Variants in MGAT4C observed in about 807,000 individuals in gnomAD.
MGAT4C encodes the protein MGAT4 family member C, also known as alpha-1,3-mannosyl-glycoprotein 4-beta-N-acetylglucosaminyltransferase C.
Under a neutral mutation model 40.1 loss-of-function variants are expected in MGAT4C, and 19 were observed. The ratio of observed to expected loss-of-function variants is 0.47; its 90% CI spans 0.33 to 0.70. The LOEUF is 0.70. Ranked by LOEUF, MGAT4C falls within the 30% of genes least tolerant of loss-of-function variation. The pLI is 0.02. For synonymous variants in MGAT4C, 181 were observed against 187.1 expected, an observed-to-expected ratio of 0.97 and a Z score of 0.27; for missense variants, 491 against 563.2, an observed-to-expected ratio of 0.87 and a Z score of 1.30.
chr12:86,401,886 A>G (rs531603158), intron 3 of MGAT4C, among the ~76,000 whole-genome samples: 1 of 152,284 alleles, frequency 6.6e-6, no homozygotes, highest in East Asian at 1.9e-4. Context: ...ACACTTGGAA[A>G]AGTGACATGG....
chr12:86,392,830 T>A (rs1956182202), intron 3 of MGAT4C, among the ~76,000 whole-genome samples: 1 of 152,224 alleles, frequency 6.6e-6, no homozygotes, highest in Non-Finnish European at 1.5e-5. Context: ...CCTATGATAA[T>A]GGTTGGAAGA....
At chr12:86,219,996 T>G (rs748704027) in intron 1 of MGAT4C, among the ~76,000 whole-genome samples, 1 of 152,086 alleles carries the variant, frequency 6.6e-6, no homozygotes, top group Non-Finnish European at 1.5e-5. Flanking sequence ...AACCCAGAGA[T>G]TGGGTTTTTG....
intron 2 of MGAT4C, among the ~76,000 whole-genome samples, chr12:86,511,307 A>C (rs993065159): frequency 6.6e-6 from 1 of 152,172 alleles, no homozygotes; most frequent in Non-Finnish European, 1.5e-5. Flanking sequence ...ACAAAGACAC[A>C]ACATACCAGA....
chr12:86,291,026 T>C (rs1450850070), intron 4 of MGAT4C, among the ~76,000 whole-genome samples: 1 of 152,188 alleles, frequency 6.6e-6, no homozygotes, highest in Non-Finnish European at 1.5e-5. Context: ...CTGAACAGTG[T>C]ATCATATTTG....
intron 1 of MGAT4C, among the ~76,000 whole-genome samples, chr12:86,836,743 C>A (rs1953045499): frequency 6.6e-6 from 1 of 152,010 alleles, no homozygotes; most frequent in Non-Finnish European, 1.5e-5. Flanking sequence ...ATCTAACATT[C>A]AAAAGGCAAA....
chr12:86,114,995 T>C (rs918981046), intron 1 of MGAT4C, among the ~76,000 whole-genome samples: 1 of 152,002 alleles, frequency 6.6e-6, no homozygotes, highest in African/African-American at 2.4e-5. Flanking sequence ...TCTGTTTTAC[T>C]GTTTAGTGAC....
chr12:85,980,899 G>T (rs541258915), intron 4 of MGAT4C, among the ~76,000 whole-genome samples: 1 of 152,044 alleles, frequency 6.6e-6, no homozygotes, highest in Admixed American at 6.6e-5. Flanking sequence ...TGATACAAAA[G>T]AAAAATAAGG....
intron 2 of MGAT4C, among the ~76,000 whole-genome samples, chr12:86,468,792 T>C (rs1163533416): frequency 1.3e-5 from 2 of 152,126 alleles, no homozygotes; most frequent in Non-Finnish European, 2.9e-5. Flanking sequence ...TGTGCTTTTC[T>C]TCTAGATTCC....
chr12:86,258,954 GTATT>G (rs971585106), upstream of MGAT4C, among the ~76,000 whole-genome samples: 1 of 151,710 alleles, frequency 6.6e-6, no homozygotes, highest in Non-Finnish European at 1.5e-5. Context: ...TTCAAATTTT[GTATT>G]TATTTATTAG....
At chr12:86,496,260 G>C (rs571301195) in intron 2 of MGAT4C, among the ~76,000 whole-genome samples, 14 of 151,962 alleles carry the variant, frequency 9.2e-5, no homozygotes, top group African/African-American at 3.1e-4. Flanking sequence ...AGCAATAAAA[G>C]AATTTTGATT....
chr12:86,804,855 C>T (rs1217109484), intron 1 of MGAT4C, among the ~76,000 whole-genome samples: 1 of 148,724 alleles, frequency 6.7e-6, no homozygotes, highest in Non-Finnish European at 1.5e-5. Context: ...TTTAGAAAAC[C>T]TATACTTGAC....
In MGAT4C at chr12:85,980,435, A is replaced by C; in HGVS notation, c.296-5T>G. 1 of 1,565,296 alleles carries C rather than the reference A, an allele frequency of 6.4e-7. No homozygotes were observed. The highest frequency in any genetic ancestry group is 2.2e-5 in the East Asian group (1 of 44,484). On this transcript the variant is annotated splice_polypyrimidine_tract_variant and splice_region_variant and intron_variant, in intron 4 of 4. Coordinates refer to ENST00000611864, the MANE Select transcript of MGAT4C (RefSeq NM_001351288.2). ...AAAGTCCAATTGTAAGATACCCTGC[A>C]AAAAAGAATTCAGAAGCAATACAAA... is the stretch of plus-strand genomic sequence containing the variant.
At chr12:86,445,034 G>A (rs1957308947) in intron 2 of MGAT4C, among the ~76,000 whole-genome samples, 1 of 152,128 alleles carries the variant, frequency 6.6e-6, no homozygotes, top group Admixed American at 6.5e-5. Flanking sequence ...AGGTGGGGGT[G>A]GAAGAATTGG....
chr12:86,369,817 A>G (rs1416441583), intron 3 of MGAT4C, among the ~76,000 whole-genome samples: 1 of 152,002 alleles, frequency 6.6e-6, no homozygotes, highest in African/African-American at 2.4e-5. Context: ...CCTCTTTTAA[A>G]TCTTCAATAG....
In MGAT4C at chr12:85,976,345, A is replaced by T. The variant is rs1380114251; in HGVS notation, c.*2944T>A. ...GTTCTTGCATTAACATATTTTATGT[A>T]TCTTTTATATTGACATTTGTGATTG... On this transcript the variant is annotated 3_prime_UTR_variant, in exon 5 of 5. Transcript: ENST00000611864. 1.3e-5 allele frequency: 2 copies of T among 151,060 alleles called. No homozygotes were observed. Among genetic ancestry groups the T allele is most frequent in the Non-Finnish European group, 3.0e-5 (2 of 67,238 alleles). The allele number at this position is 151,060 out of a possible 1,614,324, so 9.4% of individuals were successfully genotyped here.
intron 2 of MGAT4C, among the ~76,000 whole-genome samples, chr12:86,642,067 A>G (rs1963406666): frequency 6.6e-6 from 1 of 151,872 alleles, no homozygotes; most frequent in Non-Finnish European, 1.5e-5. Context: ...AATAGGAATG[A>G]CAAATAGAAA....
intron 2 of MGAT4C, among the ~76,000 whole-genome samples, chr12:86,617,562 C>A (rs1232712543): frequency 6.6e-6 from 1 of 152,142 alleles, no homozygotes; most frequent in African/African-American, 2.4e-5. Context: ...GTGGCAGATG[C>A]CTGTAGTCCC....
intron 3 of MGAT4C, among the ~76,000 whole-genome samples, chr12:86,390,016 G>A (rs970948566): frequency 4.6e-5 from 7 of 152,146 alleles, no homozygotes; most frequent in Admixed American, 1.3e-4. Flanking sequence ...CTTTCTTAGA[G>A]AGCATGCACT....
At chr12:86,781,929 T>C (rs1425036150) in intron 1 of MGAT4C, among the ~76,000 whole-genome samples, 3 of 66,708 alleles carry the variant, frequency 4.5e-5, no homozygotes, top group African/African-American at 9.4e-5. Flanking sequence ...TTTTTTCTAT[T>C]TTACCTAACT....
Sources: allele counts gnomAD v4.1 joint callset (sites outside exome capture counted in the v4.1 genomes callset), GRCh38; gene constraint gnomAD v4.1.1; transcripts MANE v1.5; gene names NCBI Gene and HGNC (gene_info 2026-07-23, HGNC 2026-07-21).